The following LOC131768270 variants were observed in gnomAD, a reference collection of about 807,000 sequenced individuals.
the LOC131768270 span, chr5:140,568,083 C>G: frequency 4.3e-6 from 7 of 1,613,840 alleles, no homozygotes; most frequent in Admixed American, 1.7e-5. Context: ...CTCACAGCCG[C>G]CTTCTTCCTG....
At chr5:140,568,093 G>A in the LOC131768270 span, 3 of 1,613,844 alleles carry the variant, frequency 1.9e-6, no homozygotes, top group Non-Finnish European at 2.5e-6. Flanking sequence ...CCTTCTTCCT[G>A]GCCACATTGC....
At chr5:140,564,914 T>A in the LOC131768270 span, 2 of 401,786 alleles carry the variant, frequency 5.0e-6, no homozygotes, top group East Asian at 7.1e-5. This position sits in a 1 kb window ranked among gnomAD's most constrained non-coding sequence, Gnocchi z 5.0. Context: ...CTCCTTGACC[T>A]TTTTAGTTCC....
the LOC131768270 span, chr5:140,568,215 C>T: frequency 6.2e-7 from 1 of 1,608,244 alleles, no homozygotes; most frequent in Non-Finnish European, 8.5e-7. Flanking sequence ...CCTCCCAGGC[C>T]TTCCTCCCTC....
chr5:140,568,266 C>G, the LOC131768270 span: 94 of 1,505,106 alleles, frequency 6.2e-5, no homozygotes, highest in Non-Finnish European at 8.3e-5. Context: ...GTGAGAAAAG[C>G]TGGAGAAGTG....
chr5:140,567,046 C>T, the LOC131768270 span: 6 of 1,478,850 alleles, frequency 4.1e-6, no homozygotes, highest in South Asian at 6.9e-5. Flanking sequence ...GCCTCTGATC[C>T]TCAGTATTCT....
At chr5:140,568,884 A>G in the LOC131768270 span, 5 of 166,016 alleles carry the variant, frequency 3.0e-5, no homozygotes, top group African/African-American at 1.2e-4. Flanking sequence ...CCCGCTACCC[A>G]CTCTGAGGCT....
At chr5:140,565,995 C>T in the LOC131768270 span, 256 of 398,950 alleles carry the variant, frequency 6.4e-4, no homozygotes, top group African/African-American at 5.0e-3. Flanking sequence ...CACCCCACCC[C>T]TGCCTTAGGC....
chr5:140,567,267 A>C, the LOC131768270 span: 1 of 1,614,202 alleles, frequency 6.2e-7, no homozygotes, highest in South Asian at 1.1e-5. Context: ...TACGGTGCCC[A>C]TGCCCCATTG....
At chr5:140,567,358 G>C in the LOC131768270 span, 102 of 1,614,074 alleles carry the variant, frequency 6.3e-5, no homozygotes, top group Non-Finnish European at 8.5e-5. Flanking sequence ...CCAAGCTACT[G>C]TTATGCGCCT....
the LOC131768270 span, chr5:140,568,083 C>T: frequency 1.2e-6 from 2 of 1,613,958 alleles, no homozygotes; most frequent in Non-Finnish European, 1.7e-6. Flanking sequence ...CTCACAGCCG[C>T]CTTCTTCCTG....
the LOC131768270 span, chr5:140,568,435 A>C: frequency 2.1e-6 from 1 of 466,960 alleles, no homozygotes. Context: ...AGGCCTGAGA[A>C]ATAACCCCAT....
chr5:140,567,141 C>T, the LOC131768270 span: 9 of 1,614,118 alleles, frequency 5.6e-6, no homozygotes, highest in South Asian at 8.8e-5. Context: ...TCCCTGCTGC[C>T]CCTTAGCCAC....
the LOC131768270 span, chr5:140,567,491 C>T: frequency 8.9e-5 from 143 of 1,614,060 alleles, 1 homozygote; most frequent in Non-Finnish European, 3.1e-5. Flanking sequence ...CTATCTTCAG[C>T]GTTACATGGA....
the LOC131768270 span, chr5:140,567,661 C>T: frequency 2.0e-5 from 33 of 1,613,964 alleles, no homozygotes; most frequent in Middle Eastern, 1.6e-4. Flanking sequence ...TTCAAGTTCC[C>T]GGGAACACCC....
At chr5:140,566,701 T>G in the LOC131768270 span, 3 of 575,382 alleles carry the variant, frequency 5.2e-6, no homozygotes, top group African/African-American at 5.6e-5. Flanking sequence ...GCATATGCTG[T>G]GCCCAACGTG....
chr5:140,566,868 C>T, the LOC131768270 span: 40 of 608,758 alleles, frequency 6.6e-5, no homozygotes, highest in African/African-American at 7.4e-4. Flanking sequence ...AACTTTCCTG[C>T]CACCTTCATC....
At chr5:140,564,837 G>A in the LOC131768270 span, 1 of 403,568 alleles carries the variant, frequency 2.5e-6, no homozygotes, top group Non-Finnish European at 4.4e-6. This position sits in a 1 kb window ranked among gnomAD's most constrained non-coding sequence, Gnocchi z 5.0. Flanking sequence ...CAAGTTCGGC[G>A]GGGAAGATGG....
At chr5:140,567,798 T>C in the LOC131768270 span, 2 of 1,614,112 alleles carry the variant, frequency 1.2e-6, no homozygotes, top group South Asian at 1.1e-5. Flanking sequence ...GAGCTGCTCA[T>C]GAAGCGACAG....
chr5:140,567,485 C>G, the LOC131768270 span: 4 of 1,614,172 alleles, frequency 2.5e-6, no homozygotes, highest in East Asian at 4.5e-5. Context: ...GGTGATCTAT[C>G]TTCAGCGTTA....
Sources: allele counts gnomAD v4.1 joint callset, GRCh38; gene constraint gnomAD v4.1.1; non-coding constraint Gnocchi (gnomAD v3.1); transcripts MANE v1.5.